Variants in AKAP13 observed in about 807,000 individuals in gnomAD.
AKAP13 encodes A-kinase anchoring protein 13.
A neutral mutation model predicts 264.5 loss-of-function variants in AKAP13; 80 were observed. That is an observed-to-expected ratio of 0.30 (90% CI 0.25 to 0.36). The LOEUF is 0.36. AKAP13 is among the 10% of genes least tolerant of loss of function. AKAP13 has a pLI of 1.00. For missense variants in AKAP13, 3,712 were observed against 3,435.2 expected, an observed-to-expected ratio of 1.08 and a Z score of -2.01; for synonymous variants, 1,380 against 1,250.2, an observed-to-expected ratio of 1.10 and a Z score of -2.19.
At position 85,655,583 on chromosome 15, in the gene AKAP13, A is replaced by T. The variant is rs1237478769; in HGVS notation, c.4541A>T (p.His1514Leu). 8 of 1,614,236 alleles carry T rather than the reference A, an allele frequency of 5.0e-6. No individual in the cohort carries two copies. The East Asian group carries it at 1.8e-4, about 36-fold the overall frequency. ...DRQSLDGFYS[H>L]GMGAEGRESE... ...CAAAGCCTTGATGGATTCTACAGCC[A>T]TGGGATGGGAGCTGAGGGTCGAGAA... The change falls in exon 11 of 37, where the codon CAT (histidine) becomes CTT (leucine). Residue 1514 changes from histidine to leucine, a missense_variant. Physicochemically the swap from His to Leu is moderately conservative, Grantham distance 99. Transcript: ENST00000394518.
chr15:85,628,166 A>G (rs1792277161), intron 8 of AKAP13, among the ~76,000 whole-genome samples: 1 of 152,242 alleles, frequency 6.6e-6, no homozygotes, highest in Admixed American at 6.5e-5. Flanking sequence ...TATATCTATC[A>G]TCTTGGGATG....
chr15:85,414,534 G>GA (rs1395885031), intron 1 of AKAP13, among the ~76,000 whole-genome samples: 1 of 152,158 alleles, frequency 6.6e-6, no homozygotes, highest in East Asian at 1.9e-4. Flanking sequence ...ATGAAGATGG[G>GA]AAAAAATCCT....
intron 2 of AKAP13, among the ~76,000 whole-genome samples, chr15:85,492,935 C>T (rs190655385): frequency 4.5e-4 from 69 of 152,222 alleles, no homozygotes; most frequent in African/African-American, 1.4e-3. Flanking sequence ...TTATCTGTTC[C>T]AGAGGAATTG....
chr15:85,488,549 CTTGA>C (rs2075635419), intron 2 of AKAP13, among the ~76,000 whole-genome samples: 3 of 152,320 alleles, frequency 2.0e-5, no homozygotes, highest in African/African-American at 7.2e-5. Flanking sequence ...ACTTTTCATA[CTTGA>C]TTAAGTTGAG....
intron 35 of AKAP13, among the ~76,000 whole-genome samples, chr15:85,741,934 G>A (rs1298046331): frequency 2.0e-5 from 3 of 152,136 alleles, no homozygotes; most frequent in East Asian, 1.9e-4. Context: ...AATCCCAGCT[G>A]CTTGGGAGTC....
intron 2 of AKAP13, among the ~76,000 whole-genome samples, chr15:85,510,529 A>C (rs983207749): frequency 6.6e-6 from 1 of 152,230 alleles, no homozygotes; most frequent in African/African-American, 2.4e-5. Context: ...ACATGATTTC[A>C]TATAATGTTT....
At chr15:85,631,034 A>C (rs1273254458) in intron 8 of AKAP13, among the ~76,000 whole-genome samples, 1 of 152,198 alleles carries the variant, frequency 6.6e-6, no homozygotes, top group South Asian at 2.1e-4. Context: ...ATTTCCATCA[A>C]CTGATGCATA....
rs2076550682 is a variant in AKAP13 at position 85,514,809 on chromosome 15, A to G, written c.34-6619A>G. 1.5e-5 allele frequency among the ~76,000 whole-genome samples: 2 copies of G among 132,282 alleles called. 1 individual carries two copies. Among genetic ancestry groups the G allele is most frequent in the Admixed American group, 1.6e-4 (2 of 12,578 alleles). The allele number at this position is 132,282 out of a possible 152,430, so 86.8% of individuals were successfully genotyped here. ...GGAGAGAACGAAGATAGTTATGTGA[A>G]TACAAGCAGTGTTGGTTAATGAGAT... On this transcript the variant is annotated intron_variant, in intron 2 of 36. Transcript: ENST00000394518.
intron 1 of AKAP13, among the ~76,000 whole-genome samples, chr15:85,409,915 G>C (rs1199480721): frequency 6.6e-6 from 1 of 151,592 alleles, no homozygotes; most frequent in Non-Finnish European, 1.5e-5. Context: ...ACAGGCGTGA[G>C]ACACCGCGCC....
Position 85,415,250 on chromosome 15 carries a change from AGGAAGAT to A in AKAP13, c.-12+34455_-12+34461del. The stretch of plus-strand genomic sequence containing the variant: ...TCATGGCCACAGTTCAGCAGCTGGA[AGGAAGAT>A]GGCGCCTGGTGGACAGCAGAGGCTT... On this transcript the variant is annotated intron_variant, in intron 1 of 36. Transcript: ENST00000394518. 3 of 1,568,206 alleles carry A rather than the reference AGGAAGAT, an allele frequency of 1.9e-6. 1 individual carries two copies. The highest frequency in any genetic ancestry group is 2.6e-6 in the Non-Finnish European group (3 of 1,151,386).
At chr15:85,516,583 G>A (rs530982106) in intron 2 of AKAP13, among the ~76,000 whole-genome samples, 4 of 152,068 alleles carry the variant, frequency 2.6e-5, no homozygotes, top group South Asian at 2.1e-4. Context: ...CATTCTTTCC[G>A]TAAGTGGTGA....
intron 2 of AKAP13, among the ~76,000 whole-genome samples, chr15:85,513,168 A>G (rs2076500196): frequency 6.6e-6 from 1 of 152,036 alleles, no homozygotes; most frequent in South Asian, 2.1e-4. Flanking sequence ...TGTATTATTT[A>G]TTTTTCCTAG....
chr15:85,565,532 A>T (rs990631967), intron 5 of AKAP13, among the ~76,000 whole-genome samples: 6 of 152,234 alleles, frequency 3.9e-5, no homozygotes, highest in African/African-American at 1.4e-4. Flanking sequence ...CAGAAACACA[A>T]GGCTGACGGA....
intron 2 of AKAP13, among the ~76,000 whole-genome samples, chr15:85,513,253 C>T (rs2076503168): frequency 1.3e-5 from 2 of 152,126 alleles, no homozygotes; most frequent in South Asian, 4.1e-4. Flanking sequence ...GGAACTTCTA[C>T]ATTTGCTGTT....
intron 8 of AKAP13, among the ~76,000 whole-genome samples, chr15:85,638,877 C>A (rs564163478): frequency 6.6e-6 from 1 of 152,046 alleles, no homozygotes; most frequent in Non-Finnish European, 1.5e-5. Flanking sequence ...GTGCCTCAGC[C>A]TCCTGAGTAG....
intron 1 of AKAP13, among the ~76,000 whole-genome samples, chr15:85,459,386 A>T (rs1319548405): frequency 7.5e-6 from 1 of 133,470 alleles, no homozygotes; most frequent in African/African-American, 2.8e-5. Flanking sequence ...TTTAGTAGAG[A>T]TGGGGTTTCA....
intron 12 of AKAP13, among the ~76,000 whole-genome samples, chr15:85,661,325 G>GATC (rs1327643592): frequency 3.3e-5 from 5 of 152,114 alleles, no homozygotes; most frequent in Non-Finnish European, 7.4e-5. Flanking sequence ...GGAAGTAGAT[G>GATC]ATCAGATGGA....
At chr15:85,539,481 A>C (rs1462294806) in intron 4 of AKAP13, among the ~76,000 whole-genome samples, 1 of 152,226 alleles carries the variant, frequency 6.6e-6, no homozygotes, top group East Asian at 1.9e-4. Flanking sequence ...TATAGATTCA[A>C]AGAGTACTGT....
At chr15:85,694,354 T>C (rs1597085758) in intron 17 of AKAP13, among the ~76,000 whole-genome samples, 1 of 152,358 alleles carries the variant, frequency 6.6e-6, no homozygotes, top group African/African-American at 2.4e-5. Context: ...AAAAAGTATC[T>C]TAGGCATCGT....
Sources: allele counts gnomAD v4.1 joint callset (sites outside exome capture counted in the v4.1 genomes callset), GRCh38; gene constraint gnomAD v4.1.1; transcripts MANE v1.5; gene names NCBI Gene and HGNC (gene_info 2026-07-23, HGNC 2026-07-21).